The following TMIGD3 variants were observed in gnomAD, a reference collection of about 807,000 sequenced individuals.
The protein encoded by TMIGD3 is transmembrane and immunoglobulin domain containing 3, also known as AD026 protein (AD026).
A neutral mutation model predicts 28.1 loss-of-function variants in TMIGD3; 21 were observed. That is an observed-to-expected ratio of 0.75 (90% CI 0.53 to 1.08). The LOEUF (loss-of-function observed/expected upper bound fraction) is 1.08. Among genes scored for constraint, TMIGD3 ranks in the 50% least tolerant of loss-of-function variants. The pLI is 0.00. For missense variants in TMIGD3, 416 were observed against 435.6 expected (o/e 0.96, Z 0.40); for synonymous variants, 151 against 162.1 (o/e 0.93, Z 0.52).
At chr1:111,547,303 AG>A (rs539083263) in intron 1 of TMIGD3, among the ~76,000 whole-genome samples, 82 of 152,190 alleles carry the variant, frequency 5.4e-4, no homozygotes, top group African/African-American at 1.9e-3. Flanking sequence ...AAATCATGAA[AG>A]GGTACTGGAT....
At chr1:111,556,230 A>C (rs1311722058) in intron 1 of TMIGD3, among the ~76,000 whole-genome samples, 1 of 152,200 alleles carries the variant, frequency 6.6e-6, no homozygotes, top group Non-Finnish European at 1.5e-5. Context: ...ATCACTTTAC[A>C]CTTATAAGTA....
At chr1:111,520,886 A>G (rs1656034622) in intron 1 of TMIGD3, among the ~76,000 whole-genome samples, 1 of 152,258 alleles carries the variant, frequency 6.6e-6, no homozygotes, top group African/African-American at 2.4e-5. Flanking sequence ...TTTAAAGTGC[A>G]CGCTTTGACT....
At chr1:111,500,675 A>C (rs1048967466) in intron 1 of TMIGD3, 2 of 994,514 alleles carry the variant, frequency 2.0e-6, no homozygotes, top group South Asian at 1.5e-5. Context: ...TTAATTCTCC[A>C]ATCTTCTGCT....
At chr1:111,492,345 G>A (rs1447793162) in intron 1 of TMIGD3, among the ~76,000 whole-genome samples, 2 of 152,174 alleles carry the variant, frequency 1.3e-5, no homozygotes, top group Non-Finnish European at 2.9e-5. Context: ...GCACAGCAAT[G>A]AATAATTAAT....
At chr1:111,530,500 A>G (rs968859110) in intron 1 of TMIGD3, among the ~76,000 whole-genome samples, 3 of 152,174 alleles carry the variant, frequency 2.0e-5, no homozygotes, top group Admixed American at 1.3e-4. Context: ...ATTGTTGCGC[A>G]GCTCTGCTGG....
chr1:111,503,683 G>A (rs1461459177), upstream of TMIGD3: 16 of 1,074,202 alleles, frequency 1.5e-5, no homozygotes, highest in South Asian at 9.8e-5. Flanking sequence ...TGTCCTCAAC[G>A]CCTCTGCCTG....
chr1:111,539,954 A>G (rs1656761118), intron 1 of TMIGD3, among the ~76,000 whole-genome samples: 1 of 152,250 alleles, frequency 6.6e-6, no homozygotes, highest in African/African-American at 2.4e-5. Context: ...ACTAATGATA[A>G]AGATGAAGAG....
chr1:111,500,031 G>T, intron 1 of TMIGD3: 2 of 1,614,192 alleles, frequency 1.2e-6, no homozygotes, highest in South Asian at 1.1e-5. Flanking sequence ...TCAAAAGGTA[G>T]GTTTCCTTGA....
intron 1 of TMIGD3, among the ~76,000 whole-genome samples, chr1:111,526,686 C>A (rs1284806062): frequency 6.6e-6 from 1 of 152,148 alleles, no homozygotes; most frequent in African/African-American, 2.4e-5. Context: ...ATCATTATCA[C>A]CCAAAGTTCA....
chr1:111,524,047 T>TGGG (rs371004556), intron 1 of TMIGD3, among the ~76,000 whole-genome samples: 24,130 of 130,134 alleles, frequency 0.19, 2,693 homozygotes, highest in Non-Finnish European at 0.27. Flanking sequence ...TTTTTTTTTT[T>TGGG]GGGATGGAAT....
At chr1:111,554,009 A>G (rs1055214361) in intron 1 of TMIGD3, among the ~76,000 whole-genome samples, 1 of 152,270 alleles carries the variant, frequency 6.6e-6, no homozygotes, top group Non-Finnish European at 1.5e-5. Flanking sequence ...GGCACAAAGC[A>G]GAAATGGAAT....
chr1:111,559,357 C>T (rs1314574198), intron 1 of TMIGD3, among the ~76,000 whole-genome samples: 2 of 152,170 alleles, frequency 1.3e-5, no homozygotes, highest in Non-Finnish European at 2.9e-5. Flanking sequence ...TGAACACCCA[C>T]TATTAGGCAT....
At chr1:111,507,532 T>A (rs1655551523), upstream of TMIGD3, among the ~76,000 whole-genome samples, 1 of 152,158 alleles carries the variant, frequency 6.6e-6, no homozygotes, top group South Asian at 2.1e-4. Flanking sequence ...CCTTTGCAGC[T>A]TCTCAGAAAA....
chr1:111,504,119 G>T (rs1307115327), upstream of TMIGD3: 1 of 985,314 alleles, frequency 1.0e-6, no homozygotes, highest in African/African-American at 1.7e-5. Flanking sequence ...TTGCAGCAAA[G>T]ATCCTTGGTC....
upstream of TMIGD3, among the ~76,000 whole-genome samples, chr1:111,507,023 GTGTGTGTGTGTGTGTGTATATATA>G (rs1373319386): frequency 2.8e-5 from 1 of 35,302 alleles, no homozygotes; most frequent in Non-Finnish European, 8.5e-5. Context: ...GTGTGTGTGT[GTGTGTGTGTGTGTGTGTATATATA>G]TATATATATA....
rs1655351997 is a variant in TMIGD3 at position 111,503,325 on chromosome 1, C to T, written c.30G>A (p.Leu10=). 1.2e-6 allele frequency: 2 copies of T among 1,613,628 alleles called. No homozygotes were observed. Among genetic ancestry groups the T allele is most frequent in the Non-Finnish European group, 1.7e-6 (2 of 1,179,866 alleles). MPNNSTALS[L]ANVTYITMEI... is the part of the protein sequence containing the mutation. ...CCATGGTGATGTAGGTAACATTGGC[C>T]AATGACAGAGCAGTGCTGTTGTTGG... is the stretch of plus-strand genomic sequence containing the variant. Residue 10 remains leucine, a synonymous_variant, in exon 1 of 6, where the codon TTG becomes TTA. Transcript: ENST00000369716.
At chr1:111,534,038 TAATA>T (rs1656539681) in intron 1 of TMIGD3, among the ~76,000 whole-genome samples, 2 of 152,182 alleles carry the variant, frequency 1.3e-5, no homozygotes, top group South Asian at 4.2e-4. Flanking sequence ...GAGGATAAGT[TAATA>T]AATGTAAAAC....
chr1:111,497,255 T>C (rs1250753748), intron 1 of TMIGD3, among the ~76,000 whole-genome samples: 1 of 152,150 alleles, frequency 6.6e-6, no homozygotes, highest in East Asian at 1.9e-4. Context: ...GGACTACAGC[T>C]GCCCGCCACC....
chr1:111,532,301 C>A (rs1448165367), intron 1 of TMIGD3, among the ~76,000 whole-genome samples: 1 of 152,202 alleles, frequency 6.6e-6, no homozygotes, highest in East Asian at 1.9e-4. Flanking sequence ...TCTATCTTCT[C>A]AACCACAGGA....
Sources: allele counts gnomAD v4.1 joint callset (sites outside exome capture counted in the v4.1 genomes callset), GRCh38; gene constraint gnomAD v4.1.1; transcripts MANE v1.5; gene names NCBI Gene and HGNC (gene_info 2026-07-23, HGNC 2026-07-21).